Variants in EBF3 observed in about 807,000 individuals in gnomAD.
The protein encoded by EBF3 is transcription factor COE3.
A neutral mutation model predicts 77.1 loss-of-function variants in EBF3; 18 were observed. That is an observed-to-expected ratio of 0.23 (90% confidence interval 0.16 to 0.35). The LOEUF is 0.35. Among genes scored for constraint, EBF3 ranks in the 10% least tolerant of loss-of-function variants. EBF3 has a pLI of 1.00. For missense variants in EBF3, 558 were observed against 860.0 expected, an observed-to-expected ratio of 0.65 and a Z score of 4.39; for synonymous variants, 350 against 343.5, an observed-to-expected ratio of 1.02 and a Z score of -0.21.
At chr10:129,867,998 C>T in intron 8 of EBF3, 86 bp from the exon 9 acceptor site, 1 of 1,550,854 alleles carries the variant, frequency 6.4e-7, no homozygotes, top group Non-Finnish European at 8.7e-7. Context: ...GTCCCGCGGC[C>T]ACCGCGGGAG....
Position 129,963,510 on chromosome 10 carries a change from C to T in EBF3, c.148G>A (p.Ala50Thr). The change falls in exon 2 of 17, where the codon GCG becomes ACG. Residue 50 changes from alanine (A) to threonine (T), a missense_variant. Coordinates refer to ENST00000440978, the MANE Select transcript of EBF3 (RefSeq NM_001375380.1). The surrounding 1 kb of genome is among the most constrained non-coding windows in gnomAD (Gnocchi z 7.1). ...NTAAQSGVGL[A>T]RAHFEKQPPS... ...GGCTGCTTCTCGAAGTGCGCCCGCGCCAGCCCCACGCCGCTGCGGGAGGAA... is the reference window on the plus strand; with the variant it reads ...GGCTGCTTCTCGAAGTGCGCCCGCGTCAGCCCCACGCCGCTGCGGGAGGAA... 6.4e-7 allele frequency: 1 copy of T among 1,559,218 alleles called. No homozygotes were observed.
chr10:129,932,895 CT>C (rs35568967), intron 6 of EBF3, among the ~76,000 whole-genome samples: 1,498 of 126,368 alleles, frequency 0.012, 13 homozygotes, highest in Admixed American at 0.023. Context: ...CTTTTTTTTC[CT>C]TTTTTTTTTT....
At chr10:129,903,189 C>A (rs1247679695) in intron 6 of EBF3, among the ~76,000 whole-genome samples, 1 of 152,228 alleles carries the variant, frequency 6.6e-6, no homozygotes, top group Non-Finnish European at 1.5e-5. Flanking sequence ...GGTGAAGCTG[C>A]TGGTTTTGAG....
chr10:129,898,402 A>G (rs1564869207), intron 6 of EBF3, among the ~76,000 whole-genome samples: 1 of 152,186 alleles, frequency 6.6e-6, no homozygotes. Context: ...CGGCTGAGAA[A>G]GGAAATGATA....
chr10:129,860,103 A>G (rs1286116507), intron 10 of EBF3, among the ~76,000 whole-genome samples: 2 of 152,092 alleles, frequency 1.3e-5, no homozygotes, highest in African/African-American at 2.4e-5. Context: ...TCAGGTGATC[A>G]CACTTATTTT....
Position 129,879,225 on chromosome 10 carries a change from A to AT in EBF3, c.555-1377_555-1376insA, listed in dbSNP as rs1853025521. Among the ~76,000 whole-genome samples the AT allele has an allele frequency of 6.6e-6, 1 of 152,160 alleles. No individual in the cohort carries two copies. The highest frequency in any genetic ancestry group is 1.5e-5 in the Non-Finnish European group (1 of 68,032). ...CCTGTATAACCTCTGCCTCAACTTGAAAAGGCCACAACCAAGAGGTCCCAG... is the reference window on the plus strand; with the variant it reads ...CCTGTATAACCTCTGCCTCAACTTGATAAAGGCCACAACCAAGAGGTCCCAG... On this transcript the variant is annotated intron_variant, in intron 6 of 16. Coordinates refer to ENST00000440978, the MANE Select transcript of EBF3 (RefSeq NM_001375380.1). The surrounding 1 kb of genome is among the most constrained non-coding windows in gnomAD (Gnocchi z 4.7).
At chr10:129,854,285 G>A (rs896108323) in intron 10 of EBF3, among the ~76,000 whole-genome samples, 7 of 152,070 alleles carry the variant, frequency 4.6e-5, no homozygotes, top group African/African-American at 1.7e-4. Flanking sequence ...AAAAATCAAT[G>A]GGGCGAGATC....
Position 129,870,819 on chromosome 10 carries a change from T to C in EBF3, c.781+2633A>G, listed in dbSNP as rs1852356611. 6.6e-6 allele frequency among the ~76,000 whole-genome samples: 1 copy of C among 152,166 alleles called. No individual in the cohort carries two copies. ...CCTTTCTTTTGGGGTCTCTCCACCCTATCCAGTATTCTATTAGTAAACAGC... is the reference window on the plus strand; with the variant it reads ...CCTTTCTTTTGGGGTCTCTCCACCCCATCCAGTATTCTATTAGTAAACAGC... On this transcript the variant is annotated intron_variant, in intron 8 of 16. Coordinates refer to ENST00000440978, the MANE Select transcript of EBF3 (RefSeq NM_001375380.1). The surrounding 1 kb of genome is among the most constrained non-coding windows in gnomAD (Gnocchi z 4.4).
intron 6 of EBF3, among the ~76,000 whole-genome samples, chr10:129,948,734 G>A (rs1858435698): frequency 6.6e-6 from 1 of 152,278 alleles, no homozygotes; most frequent in South Asian, 2.1e-4. Flanking sequence ...AAAGCGTTAT[G>A]AGAACACCTT....
At chr10:129,840,633 C>T (rs141826494) in intron 14 of EBF3, among the ~76,000 whole-genome samples, 191 bp from the exon 15 acceptor site, 165 of 152,274 alleles carry the variant, frequency 1.1e-3, no homozygotes, top group Non-Finnish European at 2.0e-3. Context: ...TTGAGCAGCC[C>T]ATTTTGTTCT....
chr10:129,887,934 T>C (rs576120806), intron 6 of EBF3, among the ~76,000 whole-genome samples: 51 of 152,202 alleles, frequency 3.4e-4, no homozygotes, highest in African/African-American at 1.0e-3. Context: ...AAACGTCCAG[T>C]AGGGAAGCCC....
At chr10:129,946,974 G>GGCA (rs1858273346) in intron 6 of EBF3, among the ~76,000 whole-genome samples, 1 of 152,220 alleles carries the variant, frequency 6.6e-6, no homozygotes, top group African/African-American at 2.4e-5. Context: ...CCGGGGACCT[G>GGCA]GCAGCCCATG....
intron 16 of EBF3, among the ~76,000 whole-genome samples, chr10:129,838,756 CATATT>C (rs1283799045): frequency 6.6e-6 from 1 of 152,270 alleles, no homozygotes; most frequent in Non-Finnish European, 1.5e-5. Flanking sequence ...TTATGTATAA[CATATT>C]AATACATTTG....
At position 129,840,347 on chromosome 10, in the gene EBF3, C is replaced by T. The variant is rs1041042794; in HGVS notation, c.1657G>A (p.Val553Ile). 1 of 1,576,480 alleles carries T rather than the reference C, an allele frequency of 6.3e-7. No individual in the cohort carries two copies. Among genetic ancestry groups the T allele is most frequent in the Non-Finnish European group, 8.6e-7 (1 of 1,160,208 alleles). ...CTCTTCTGTTTCACTGCGGAGATGA[C>T]ATTGGCAGGTGAGAATGAGAAAATG... is the stretch of plus-strand genomic sequence containing the variant. ...HGIFSFSPAN[V>I]ISAVKQKSAF... The change falls in exon 15 of 17, where the codon GTC (valine) becomes ATC (isoleucine). Residue 553 changes from valine (V) to isoleucine (I), a missense_variant. Val to Ile is a conservative substitution (Grantham distance 29). This residue lies in a region of EBF3 where 284 missense variants were observed against 368.3 expected (regional missense o/e 0.77). Coordinates refer to ENST00000440978, the MANE Select transcript of EBF3 (RefSeq NM_001375380.1).
rs68001511 is a variant in EBF3, at chr10:129,841,042, T to TC, written c.1373-11dup. On this transcript the variant is annotated splice_polypyrimidine_tract_variant and intron_variant, in intron 13 of 16. Coordinates refer to ENST00000440978, the MANE Select transcript of EBF3 (RefSeq NM_001375380.1). This position sits in a 1 kb window ranked among gnomAD's most constrained non-coding sequence, Gnocchi z 4.6. Reference sequence around the variant, plus strand: ...TTGCGACTGTAGCCGACTGTTGAAATCCCCCCCCCGGCCAAAAATAACATT... The same window carrying TC: ...TTGCGACTGTAGCCGACTGTTGAAATCCCCCCCCCCGGCCAAAAATAACATT... 8.1e-3 allele frequency: 12,180 copies of TC among 1,504,586 alleles called. 1,052 individuals are homozygous for TC. The highest frequency in any genetic ancestry group is 0.033 in the South Asian group (2,526 of 76,080). 93.2% of individuals were successfully genotyped at this position (1,504,586 alleles called of 1,614,324 possible). A position where few individuals can be genotyped will look rare whatever the true frequency, so the allele number is the denominator to read the frequency against.
At chr10:129,868,848 G>T (rs1283029971) in intron 8 of EBF3, among the ~76,000 whole-genome samples, 1 of 152,202 alleles carries the variant, frequency 6.6e-6, no homozygotes. Context: ...TCTTGTACAT[G>T]GGCTCCCATG....
At chr10:129,876,781 C>A (rs1388402688) in intron 7 of EBF3, among the ~76,000 whole-genome samples, 1 of 151,760 alleles carries the variant, frequency 6.6e-6, no homozygotes, top group East Asian at 1.9e-4. Flanking sequence ...GCAAAATCAT[C>A]CAATGTGTTT....
At chr10:129,915,497 C>CACACAA (rs1009076316) in intron 6 of EBF3, among the ~76,000 whole-genome samples, 1 of 83,642 alleles carries the variant, frequency 1.2e-5, no homozygotes, top group Admixed American at 1.3e-4. Context: ...CACACACACA[C>CACACAA]AAAAAAGCCA....
intron 4 of EBF3, among the ~76,000 whole-genome samples, chr10:129,959,461 G>A (rs554222568): frequency 1.3e-5 from 2 of 152,212 alleles, no homozygotes; most frequent in South Asian, 2.1e-4. Flanking sequence ...GGGAGAGGCC[G>A]ATCAGAACGC....
Sources: gnomAD v4.1 joint callset for allele counts (sites outside exome capture counted in the v4.1 genomes callset) on GRCh38, gnomAD v4.1.1 for gene constraint, gnomAD v4.1.1 regional missense constraint, Gnocchi (gnomAD v3.1) non-coding constraint, MANE v1.5 for transcripts, NCBI Gene and HGNC (gene_info 2026-07-23, HGNC 2026-07-21) for gene names.